The following GDPD5 variants were observed in gnomAD, a reference collection of about 807,000 sequenced individuals.
GDPD5 encodes glycerophosphodiester phosphodiesterase domain containing 5.
A neutral mutation model predicts 75.1 loss-of-function variants in GDPD5; 48 were observed. That is an observed-to-expected ratio of 0.64 (90% confidence interval 0.51 to 0.81). GDPD5 has a LOEUF of 0.81. Ranked by LOEUF, GDPD5 falls within the 40% of genes least tolerant of loss-of-function variation. The probability of loss-of-function intolerance (pLI) is 0.00; values close to 1 mark genes in which losing one functional copy is unlikely to be tolerated. For missense variants in GDPD5, 706 were observed against 822.6 expected (o/e 0.86, Z 1.73); for synonymous variants, 336 against 339.0 (o/e 0.99, Z 0.10).
chr11:75,443,491 G>C (rs1030871637), intron 10 of GDPD5, among the ~76,000 whole-genome samples: 1 of 152,176 alleles, frequency 6.6e-6, no homozygotes, highest in African/African-American at 2.4e-5. Flanking sequence ...CTGGCTCTCT[G>C]TGAGGGTCAG....
At chr11:75,445,823 C>T (rs537252120) in intron 9 of GDPD5, among the ~76,000 whole-genome samples, 3 of 152,296 alleles carry the variant, frequency 2.0e-5, no homozygotes, top group African/African-American at 7.2e-5. Flanking sequence ...AGAGCTGGGG[C>T]CTCAGTTTCT....
chr11:75,440,092 C>T (rs1200829144), intron 14 of GDPD5, 131 bp from the exon 15 acceptor site: 1 of 653,486 alleles, frequency 1.5e-6, no homozygotes, highest in Non-Finnish European at 2.7e-6. Context: ...CTGAGAGGGT[C>T]TGGGGGCTGA....
At chr11:75,443,947 T>C (rs1948908041) in intron 10 of GDPD5, among the ~76,000 whole-genome samples, 1 of 152,254 alleles carries the variant, frequency 6.6e-6, no homozygotes, top group Non-Finnish European at 1.5e-5. Context: ...CCTGTACAAC[T>C]ATATATGACA....
intron 4 of GDPD5, among the ~76,000 whole-genome samples, chr11:75,460,894 C>A (rs1440572546): frequency 6.6e-6 from 1 of 151,956 alleles, no homozygotes; most frequent in African/African-American, 2.4e-5. Flanking sequence ...ACCACCCCAA[C>A]AGGGCGGGAA....
intron 1 of GDPD5, among the ~76,000 whole-genome samples, chr11:75,521,166 G>A (rs1179648130): frequency 1.3e-5 from 2 of 152,266 alleles, no homozygotes; most frequent in East Asian, 1.9e-4. Context: ...GAGAGGGGCC[G>A]ACTCACCCCA....
intron 1 of GDPD5, among the ~76,000 whole-genome samples, chr11:75,520,209 C>T (rs985377711): frequency 1.3e-5 from 2 of 152,242 alleles, no homozygotes; most frequent in Non-Finnish European, 2.9e-5. Context: ...TGGACTCTTC[C>T]ATCAGCTTCT....
intron 4 of GDPD5, among the ~76,000 whole-genome samples, chr11:75,458,018 C>A (rs1176958947): frequency 4.6e-5 from 7 of 152,214 alleles, no homozygotes; most frequent in African/African-American, 1.7e-4. Context: ...ATCCTATTGG[C>A]CAGAAGTAAT....
chr11:75,481,428 G>T (rs1435629705), intron 2 of GDPD5, among the ~76,000 whole-genome samples: 1 of 152,322 alleles, frequency 6.6e-6, no homozygotes, highest in East Asian at 1.9e-4. Flanking sequence ...TGAGTGCTGG[G>T]AATTGACTGC....
At chr11:75,453,753 G>A (rs778411582) in intron 6 of GDPD5, among the ~76,000 whole-genome samples, 2 of 151,962 alleles carry the variant, frequency 1.3e-5, no homozygotes, top group African/African-American at 4.8e-5. Context: ...AGAAAATTTA[G>A]TATATGATAA....
chr11:75,449,536 G>A lies in GDPD5; in HGVS notation c.549C>T (p.Phe183=), dbSNP rs768643996. 2.0e-5 allele frequency: 31 copies of A among 1,580,148 alleles called. No homozygotes were observed. Among genetic ancestry groups the A allele is most frequent in the African/African-American group, 2.7e-5 (2 of 74,540 alleles). The change falls in exon 8 of 17, where the codon TTC becomes TTT. Residue 183 remains phenylalanine, a synonymous_variant. Transcript: ENST00000336898. ...ACTCACAGGTCCGCTCTGCGCGGGCGAACTGTCCTGCCACGATCCAGGAGA... is the reference window on the plus strand; with the variant it reads ...ACTCACAGGTCCGCTCTGCGCGGGCAAACTGTCCTGCCACGATCCAGGAGA... ...TMLSWIVAGQ[F]ARAERTSSQV... is the part of the protein sequence containing the mutation.
intron 1 of GDPD5, among the ~76,000 whole-genome samples, chr11:75,500,272 G>A (rs1297309568): frequency 6.6e-6 from 1 of 152,032 alleles, no homozygotes; most frequent in African/African-American, 2.4e-5. Context: ...CCCCTTCCCA[G>A]CTCTCCTCCC....
At chr11:75,440,222 T>A (rs1793404) in intron 14 of GDPD5, among the ~76,000 whole-genome samples, 4 of 151,846 alleles carry the variant, frequency 2.6e-5, no homozygotes, top group Non-Finnish European at 5.9e-5. Context: ...GGCAGAGGGG[T>A]TGTGTGCTAG....
intron 9 of GDPD5, 149 bp from the exon 10 acceptor site, chr11:75,444,644 C>G: frequency 1.6e-6 from 1 of 623,464 alleles, no homozygotes. Flanking sequence ...CCTGGGCACC[C>G]ACTCAGCTTC....
intron 3 of GDPD5, among the ~76,000 whole-genome samples, chr11:75,474,202 T>G (rs1460255365): frequency 1.3e-5 from 2 of 152,172 alleles, no homozygotes; most frequent in African/African-American, 4.8e-5. Flanking sequence ...AAAAGGTAAA[T>G]GTACTACAGA....
chr11:75,437,164 TCC>T lies in GDPD5; in HGVS notation c.1557-118_1557-117del, dbSNP rs1200889466. The T allele has an allele frequency of 8.3e-6, 6 of 720,036 alleles. No individual in the cohort carries two copies. The East Asian group carries it at 1.6e-4, about 19-fold the overall frequency. The allele number at this position is 720,036 out of a possible 1,614,324, so 44.6% of individuals were successfully genotyped here. A position where few individuals can be genotyped will look rare whatever the true frequency, so the allele number is the denominator to read the frequency against. On this transcript the variant is annotated intron_variant, in intron 15 of 16. Transcript: ENST00000336898. ...GCCCAAGAGACCAGCAGGACTCTTG[TCC>T]CACTGTACAATGGGGAAATAGGCCC...
chr11:75,518,220 G>A (rs777145591), intron 1 of GDPD5, among the ~76,000 whole-genome samples: 1 of 152,198 alleles, frequency 6.6e-6, no homozygotes, highest in Non-Finnish European at 1.5e-5. Context: ...TTTCAGATGA[G>A]GAAACTGAGG....
At chr11:75,505,215 CAGAAGAGGGGGCATTTG>C (rs1950371291) in intron 1 of GDPD5, among the ~76,000 whole-genome samples, 1 of 152,016 alleles carries the variant, frequency 6.6e-6, no homozygotes, top group Non-Finnish European at 1.5e-5. Context: ...GAAGGCTTCA[CAGAAGAGGGGGCATTTG>C]AGCTGGACAG....
chr11:75,479,669 C>T (rs1949861060), intron 2 of GDPD5, among the ~76,000 whole-genome samples: 1 of 151,746 alleles, frequency 6.6e-6, no homozygotes, highest in Admixed American at 6.6e-5. Flanking sequence ...ATCCCAACAA[C>T]CCCCCACCCC....
chr11:75,494,232 CAG>C (rs35003248), intron 1 of GDPD5, among the ~76,000 whole-genome samples: 83,845 of 137,884 alleles, frequency 0.61, 25,685 homozygotes, highest in East Asian at 0.79. Context: ...TTTTTTGAGA[CAG>C]AGTCTCGCTC....
Sources: allele counts gnomAD v4.1 joint callset (sites outside exome capture counted in the v4.1 genomes callset), GRCh38; gene constraint gnomAD v4.1.1; transcripts MANE v1.5; gene names NCBI Gene and HGNC (gene_info 2026-07-23, HGNC 2026-07-21).